SERPINB7: variants seen among roughly 807,000 people sequenced by gnomAD.
SERPINB7 encodes serpin family B member 7.
A neutral mutation model predicts 37.4 loss-of-function variants in SERPINB7; 31 were observed. That is an observed-to-expected ratio of 0.83 (90% confidence interval 0.62 to 1.12). The LOEUF is 1.12. Among genes scored for constraint, SERPINB7 ranks in the 50% most tolerant of loss-of-function variants. The pLI, the probability that SERPINB7 is intolerant of heterozygous loss-of-function variation, is 0.00. For missense variants in SERPINB7, 521 were observed against 455.3 expected, an observed-to-expected ratio of 1.14 and a Z score of -1.31; for synonymous variants, 163 against 166.1, an observed-to-expected ratio of 0.98 and a Z score of 0.14.
At chr18:63,798,816 T>A in intron 6 of SERPINB7, 70 bp downstream of exon 6, 5 of 1,488,686 alleles carry the variant, frequency 3.4e-6, no homozygotes, top group Non-Finnish European at 3.7e-6. Flanking sequence ...ACTGTGATAG[T>A]TACATAGTAA....
intron 1 of SERPINB7, among the ~76,000 whole-genome samples, chr18:63,760,960 T>C (rs8096715): frequency 0.96 from 146,418 of 152,340 alleles, 70,639 homozygotes; most frequent in East Asian, 1. Context: ...AGCCCCCACA[T>C]AGAGTCCCTA....
At chr18:63,769,252 G>A (rs55725102) in intron 1 of SERPINB7, among the ~76,000 whole-genome samples, 10,445 of 121,324 alleles carry the variant, frequency 0.086, 452 homozygotes, top group Non-Finnish European at 0.14. Flanking sequence ...CTCTCTAAAA[G>A]TTTCTTTATT....
At chr18:63,799,592 A>C (rs2049525271) in intron 6 of SERPINB7, among the ~76,000 whole-genome samples, 1 of 152,176 alleles carries the variant, frequency 6.6e-6, no homozygotes, top group Non-Finnish European at 1.5e-5. Flanking sequence ...TCATATTAAA[A>C]ATTGGTGACA....
chr18:63,800,961 C>T lies in SERPINB7; in HGVS notation c.693C>T (p.Tyr231=), dbSNP rs1179153737. 1.9e-6 allele frequency: 3 copies of T among 1,613,908 alleles called. No individual in the cohort carries two copies. In the East Asian group the frequency reaches 6.7e-5, roughly 36 times the overall value. ...CAATGAAGATTCTTGAGCTCAGATACAATGGTGGCATAAACATGTACGTTC... is the reference window on the plus strand; with the variant it reads ...CAATGAAGATTCTTGAGCTCAGATATAATGGTGGCATAAACATGTACGTTC... ...DPSMKILELR[Y]NGGINMYVLL... The change falls in exon 7 of 8, where the codon TAC becomes TAT. Residue 231 remains tyrosine, a synonymous_variant. Transcript: ENST00000398019.
In SERPINB7 at chr18:63,767,663, A is replaced by G. The variant is rs111776582; in HGVS notation, c.-19+14543A>G. Among the ~76,000 whole-genome samples, 175 of 151,960 alleles carry G rather than the reference A, an allele frequency of 1.2e-3. 1 individual carries two copies. The highest frequency in any genetic ancestry group is 4.1e-3 in the African/African-American group (169 of 41,476). Reference sequence around the variant, plus strand: ...TATATTGCTGGTTTGATTTACTAATATTTTATTCTGGATTTTCCAGCTCAT... The same window carrying G: ...TATATTGCTGGTTTGATTTACTAATGTTTTATTCTGGATTTTCCAGCTCAT... On this transcript the variant is annotated intron_variant, in intron 1 of 7. Coordinates refer to the SERPINB7 transcript ENST00000336429.
At position 63,782,315 on chromosome 18, in the gene SERPINB7, A is replaced by G. The variant is rs2049308404; in HGVS notation, c.-18-40A>G. 3 of 1,203,626 alleles carry G rather than the reference A, an allele frequency of 2.5e-6. No individual in the cohort carries two copies. In the African/African-American group the frequency reaches 4.7e-5, roughly 19 times the overall value. The allele number at this position is 1,203,626 out of a possible 1,614,324, so 74.6% of individuals were successfully genotyped here. ...TCTAAAAATATAATATTCCTAGAAA[A>G]TGTACCGGGAACTAATTTCATTTTC... On this transcript the variant is annotated intron_variant, in intron 1 of 7. Transcript: ENST00000398019.
chr18:63,803,163 A>G (rs79248691), intron 7 of SERPINB7, among the ~76,000 whole-genome samples: 121 of 152,254 alleles, frequency 7.9e-4, no homozygotes, highest in African/African-American at 2.9e-3. Flanking sequence ...TTATAAACCT[A>G]CATACTATAC....
intron 1 of SERPINB7, among the ~76,000 whole-genome samples, chr18:63,776,385 A>G (rs960734773): frequency 3.3e-5 from 5 of 151,930 alleles, no homozygotes; most frequent in Admixed American, 6.6e-5. Context: ...CATCCATTAA[A>G]AAACAGTTTT....
chr18:63,770,302 A>AAACAC (rs1187314502), intron 1 of SERPINB7, among the ~76,000 whole-genome samples: 2 of 151,512 alleles, frequency 1.3e-5, no homozygotes, highest in African/African-American at 4.8e-5. Context: ...ATGTAAAGGA[A>AAACAC]AACAACAACA....
chr18:63,754,919 G>A lies in SERPINB7; in HGVS notation c.-19+1799G>A, dbSNP rs888961695. Among the ~76,000 whole-genome samples, 52 of 114,950 alleles carry A rather than the reference G, an allele frequency of 4.5e-4. 1 individual carries two copies. The South Asian group carries it at 0.012, about 26-fold the overall frequency. 75.4% of individuals were successfully genotyped at this position (114,950 alleles called of 152,430 possible). The stretch of plus-strand genomic sequence containing the variant: ...TTTTTTTTTTTTTTTTTGAGACGGA[G>A]TCTCGCTCTGTCGCCCAGGCCGGAC... On this transcript the variant is annotated intron_variant, in intron 1 of 7. Transcript: ENST00000336429.
rs764669780 is a variant in SERPINB7, at chr18:63,783,283, A to AAAGGAAGG, written c.168+746_168+747insGAAGGAAG. Among the ~76,000 whole-genome samples, 190 of 122,544 alleles carry AAAGGAAGG rather than the reference A, an allele frequency of 1.6e-3. 5 individuals carry two copies. Among genetic ancestry groups the AAAGGAAGG allele is most frequent in the African/African-American group, 5.8e-3 (182 of 31,270 alleles). The allele number at this position is 122,544 out of a possible 152,430, so 80.4% of individuals were successfully genotyped here. ...GAAAGAAAGAAAGAAAGAAAGAAAG[A>AAAGGAAGG]AAGAAAGAAAGAAATGCAAATGCTT... On this transcript the variant is annotated intron_variant, in intron 2 of 7. Coordinates refer to ENST00000398019, the MANE Select transcript of SERPINB7 (RefSeq NM_003784.4).
At chr18:63,804,174 A>C (rs1346275399) in intron 7 of SERPINB7, 63 bp from the exon 8 acceptor site, 1 of 1,184,032 alleles carries the variant, frequency 8.4e-7, no homozygotes, top group Non-Finnish European at 1.2e-6. Context: ...GTATCTCTGT[A>C]GCTATTGTTT....
chr18:63,796,278 T>G lies in SERPINB7; in HGVS notation c.349T>G (p.Cys117Gly), dbSNP rs537745603. 2 of 1,605,076 alleles carry G rather than the reference T, an allele frequency of 1.2e-6. No homozygotes were observed. The highest frequency in any genetic ancestry group is 2.2e-5 in the East Asian group (1 of 44,774). The part of the protein sequence containing the change: ...VYGFHKDYIE[C>G]AEKLYDAKVE... Reference sequence around the variant, plus strand: ...TTCTTCTTTATAGGACTACATTGAGTGTGCCGAAAAATTATACGATGCCAA... The same window carrying G: ...TTCTTCTTTATAGGACTACATTGAGGGTGCCGAAAAATTATACGATGCCAA... Residue 117 changes from cysteine to glycine, a missense_variant, in exon 5 of 8, where the codon TGT becomes GGT. Transcript: ENST00000398019.
Position 63,782,704 on chromosome 18 carries a change from G to A in SERPINB7, c.168+164G>A, listed in dbSNP as rs537875759. The stretch of plus-strand genomic sequence containing the variant: ...TCTTTGGGTGTGAAGAAAGCACACA[G>A]CTTGCAGTACTTGTTTTTGAGCCAA... On this transcript the variant is annotated intron_variant, in intron 2 of 7. Coordinates refer to ENST00000398019, the MANE Select transcript of SERPINB7 (RefSeq NM_003784.4). 3.3e-5 allele frequency among the ~76,000 whole-genome samples: 5 copies of A among 152,330 alleles called. No homozygotes were observed. In the South Asian group the frequency reaches 1.0e-3, roughly 32 times the overall value.
At chr18:63,791,487 T>C (rs1021982734) in intron 2 of SERPINB7, among the ~76,000 whole-genome samples, 5 of 152,208 alleles carry the variant, frequency 3.3e-5, no homozygotes, top group African/African-American at 7.2e-5. Flanking sequence ...TTAACAAATA[T>C]TAAATTAACA....
intron 5 of SERPINB7, among the ~76,000 whole-genome samples, chr18:63,796,704 A>G (rs1293289668): frequency 6.6e-6 from 1 of 152,208 alleles, no homozygotes; most frequent in Non-Finnish European, 1.5e-5. Context: ...AATTAACCTC[A>G]ATATCTCACC....
intron 1 of SERPINB7, among the ~76,000 whole-genome samples, chr18:63,768,024 C>A (rs1275696666): frequency 6.6e-6 from 1 of 152,016 alleles, no homozygotes; most frequent in East Asian, 1.9e-4. Context: ...AAGGTCTCTT[C>A]CCTTCCTGAT....
At position 63,784,091 on chromosome 18, in the gene SERPINB7, C is replaced by A. The variant is rs1396631854; in HGVS notation, c.168+1551C>A. 2.0e-5 allele frequency among the ~76,000 whole-genome samples: 3 copies of A among 152,118 alleles called. No homozygotes were observed. The East Asian group carries it at 5.8e-4, about 29-fold the overall frequency. On this transcript the variant is annotated intron_variant, in intron 2 of 7. Transcript: ENST00000398019. ...ATCAGTGTTCAGGATCTGGGATAAG[C>A]CCTAAGAATATGATCTTATTTGATA...
intron 2 of SERPINB7, among the ~76,000 whole-genome samples, chr18:63,791,900 G>C (rs558342961): frequency 5.3e-5 from 8 of 152,110 alleles, no homozygotes; most frequent in Non-Finnish European, 1.0e-4. Flanking sequence ...CTGAGCCACC[G>C]CACCCGGCCA....
Sources: allele counts gnomAD v4.1 joint callset (sites outside exome capture counted in the v4.1 genomes callset), GRCh38; gene constraint gnomAD v4.1.1; transcripts MANE v1.5; gene names NCBI Gene and HGNC (gene_info 2026-07-23, HGNC 2026-07-21).